DSCAML1: variants seen among roughly 807,000 people sequenced by gnomAD.
DSCAML1 encodes the protein DS cell adhesion molecule like 1.
In DSCAML1, 38 loss-of-function variants were observed where a neutral mutation model predicts 200.5. That is an observed-to-expected ratio of 0.19 (90% CI 0.15 to 0.25). The LOEUF is 0.25. Ranked by LOEUF, DSCAML1 falls within the 10% of genes least tolerant of loss-of-function variation. DSCAML1 has a pLI of 1.00. For missense variants in DSCAML1, 2,223 were observed against 2,858.8 expected (o/e 0.78, Z 5.07); for synonymous variants, 1,215 against 1,165.0 (o/e 1.04, Z -0.87).
intron 3 of DSCAML1, among the ~76,000 whole-genome samples, chr11:117,749,016 C>A (rs1265551209): frequency 6.6e-6 from 1 of 152,162 alleles, no homozygotes; most frequent in Non-Finnish European, 1.5e-5. Context: ...GACACACGTG[C>A]CTTGCCTGGC....
At chr11:117,455,494 C>T (rs1456954659) in intron 19 of DSCAML1, among the ~76,000 whole-genome samples, 1 of 152,152 alleles carries the variant, frequency 6.6e-6, no homozygotes, top group African/African-American at 2.4e-5. Flanking sequence ...TTGGTATTCA[C>T]AGGGGGAGGT....
Position 117,776,842 on chromosome 11 carries a change from C to T in DSCAML1, c.460G>A (p.Glu154Lys). Reference sequence around the variant, plus strand: ...TCCCAAGATACAACGCTAACATATTCCTGCACTGAAGAGGGGATGAGGCAC... The same window carrying T: ...TCCCAAGATACAACGCTAACATATTTCTGCACTGAAGAGGGGATGAGGCAC... Reference protein sequence around the residue: ...FKCLIPSSVQEYVSVVSWEKD... With the variant: ...FKCLIPSSVQKYVSVVSWEKD... Residue 154 changes from glutamate to lysine, a missense_variant, in exon 3 of 33, where the codon GAA (glutamate) becomes AAA (lysine). Around this residue, in one of 7 missense-constraint regions of DSCAML1, gnomAD observed 579 missense variants for 721.5 expected, o/e 0.80. Coordinates refer to ENST00000651296, the MANE Select transcript of DSCAML1 (RefSeq NM_020693.4). 4 of 1,614,158 alleles carry T rather than the reference C, an allele frequency of 2.5e-6. No individual in the cohort carries two copies. The highest frequency in any genetic ancestry group is 3.4e-6 in the Non-Finnish European group (4 of 1,180,028).
intron 6 of DSCAML1, among the ~76,000 whole-genome samples, 173 bp downstream of exon 6, chr11:117,520,957 T>G (rs2049874950): frequency 6.6e-6 from 1 of 152,122 alleles, no homozygotes; most frequent in South Asian, 2.1e-4. Context: ...TAAAAAGATT[T>G]AAATATAAAA....
At chr11:117,536,020 C>T (rs1357937107) in intron 3 of DSCAML1, among the ~76,000 whole-genome samples, 1 of 152,030 alleles carries the variant, frequency 6.6e-6, no homozygotes, top group Non-Finnish European at 1.5e-5. Context: ...CCCCTCCCTC[C>T]CCCCCTTCTT....
intron 1 of DSCAML1, among the ~76,000 whole-genome samples, chr11:117,814,650 A>G (rs2134092194): frequency 6.6e-6 from 1 of 152,350 alleles, no homozygotes; most frequent in Middle Eastern, 3.4e-3. Context: ...TTTCAGATGC[A>G]ATCCCTCCCT....
At chr11:117,431,394 G>T in intron 31 of DSCAML1, 140 bp downstream of exon 31, 1 of 782,742 alleles carries the variant, frequency 1.3e-6, no homozygotes, top group Non-Finnish European at 1.9e-6. Flanking sequence ...CAGTGGGTCA[G>T]TGACCAGCTA....
At chr11:117,754,220 A>G (rs2054649643) in intron 3 of DSCAML1, among the ~76,000 whole-genome samples, 1 of 152,216 alleles carries the variant, frequency 6.6e-6, no homozygotes, top group Non-Finnish European at 1.5e-5. Flanking sequence ...GCGTGCATCC[A>G]GCACCAATCA....
intron 3 of DSCAML1, among the ~76,000 whole-genome samples, chr11:117,542,294 CAA>C (rs869061773): frequency 3.9e-5 from 3 of 76,568 alleles, no homozygotes; most frequent in Non-Finnish European, 8.5e-5. Flanking sequence ...GACTCCCTAT[CAA>C]AAAAACAAAA....
At chr11:117,650,674 TGTGTGTGTGTGTGTGTGTGTGTGTGTGC>T (rs1222659543) in intron 3 of DSCAML1, among the ~76,000 whole-genome samples, 1 of 134,302 alleles carries the variant, frequency 7.4e-6, no homozygotes, top group African/African-American at 2.6e-5. Context: ...TATCTGTGTG[TGTGTGTGTGTGTGTGTGTGTGTGTGTGC>T]GTGTGTGTGT....
chr11:117,525,220 A>G, intron 4 of DSCAML1, 137 bp from the exon 5 acceptor site: 2 of 1,086,958 alleles, frequency 1.8e-6, no homozygotes, highest in South Asian at 3.5e-5. Context: ...GGGCGGCTCC[A>G]GAGGAACATT....
At chr11:117,617,684 A>G (rs760502717) in intron 3 of DSCAML1, among the ~76,000 whole-genome samples, 1,263 of 31,126 alleles carry the variant, frequency 0.041, 9 homozygotes, top group Middle Eastern at 0.059. Flanking sequence ...GTACACGCAC[A>G]CACACACACA....
chr11:117,780,731 C>T lies in DSCAML1; in HGVS notation c.126G>A (p.Gly42=), dbSNP rs1243600004. The T allele has an allele frequency of 1.2e-5, 19 of 1,560,844 alleles. No homozygotes were observed. The highest frequency in any genetic ancestry group is 1.6e-5 in the Non-Finnish European group (18 of 1,154,076). ...CCGCGGCCGGGCAGGGCACCACCAC[C>T]CCCACGGAGCTGGAAAAGGTCACCT... ...LQQVTFSSSV[G]VVVPCPAAGS... is the part of the protein sequence containing the mutation. The change falls in exon 2 of 33, where the codon GGG becomes GGA. Residue 42 remains glycine, a synonymous_variant. Transcript: ENST00000651296. The surrounding 1 kb of genome is among the most constrained non-coding windows in gnomAD (Gnocchi z 4.8).
chr11:117,771,783 T>C (rs1279210330), intron 3 of DSCAML1, among the ~76,000 whole-genome samples: 1 of 152,186 alleles, frequency 6.6e-6, no homozygotes, highest in Admixed American at 6.5e-5. Flanking sequence ...ATAAAAACAT[T>C]ATCTCTCTTA....
At chr11:117,466,250 G>C (rs2048577872) in intron 16 of DSCAML1, among the ~76,000 whole-genome samples, 1 of 152,220 alleles carries the variant, frequency 6.6e-6, no homozygotes, top group Non-Finnish European at 1.5e-5. Context: ...AATACAATGG[G>C]ATAGTATGCA....
At chr11:117,476,422 G>A (rs2048792900) in intron 14 of DSCAML1, among the ~76,000 whole-genome samples, 1 of 152,112 alleles carries the variant, frequency 6.6e-6, no homozygotes, top group Non-Finnish European at 1.5e-5. Flanking sequence ...CGGAGAAGAG[G>A]CCTCCTGCGT....
chr11:117,750,866 C>T (rs1468642614), intron 3 of DSCAML1, among the ~76,000 whole-genome samples: 5 of 152,210 alleles, frequency 3.3e-5, no homozygotes, highest in African/African-American at 1.2e-4. Context: ...CCTCCAGGGG[C>T]TTATGCTCTA....
chr11:117,808,098 G>A (rs1374898658), intron 1 of DSCAML1, among the ~76,000 whole-genome samples: 1 of 152,214 alleles, frequency 6.6e-6, no homozygotes, highest in African/African-American at 2.4e-5. Context: ...GCGATTACAG[G>A]CGTGAGCTAC....
At chr11:117,692,797 C>T (rs975794949) in intron 3 of DSCAML1, among the ~76,000 whole-genome samples, 8 of 152,120 alleles carry the variant, frequency 5.3e-5, no homozygotes, top group Admixed American at 2.0e-4. Context: ...GGGGAGACTC[C>T]GTTGAAATGA....
rs1317478640 is a variant in DSCAML1 at position 117,504,588 on chromosome 11, G to A, written c.2182+336C>T. Among the ~76,000 whole-genome samples, 2 of 152,198 alleles carry A rather than the reference G, an allele frequency of 1.3e-5. No individual in the cohort carries two copies. The highest frequency in any genetic ancestry group is 6.5e-5 in the Admixed American group (1 of 15,292). On this transcript the variant is annotated intron_variant, in intron 10 of 32. Transcript: ENST00000651296. This position sits in a 1 kb window ranked among gnomAD's most constrained non-coding sequence, Gnocchi z 5.0. ...AGAAAAGGTTGACTGGTGAGAAGCA[G>A]GGGGCTTTGAGGCTCTGGGGCCCCA... is the stretch of plus-strand genomic sequence containing the variant.
Sources: allele counts gnomAD v4.1 joint callset (sites outside exome capture counted in the v4.1 genomes callset), GRCh38; gene constraint gnomAD v4.1.1; regional missense constraint gnomAD v4.1.1; non-coding constraint Gnocchi (gnomAD v3.1); transcripts MANE v1.5; gene names NCBI Gene and HGNC (gene_info 2026-07-23, HGNC 2026-07-21).